DSCAML1: variants seen among roughly 807,000 people sequenced by gnomAD.
The protein encoded by DSCAML1 is cell adhesion molecule DSCAML1.
Under a neutral mutation model 200.5 loss-of-function variants are expected in DSCAML1, and 38 were observed. The ratio of observed to expected loss-of-function variants is 0.19; its 90% CI spans 0.15 to 0.25. The LOEUF is 0.25. Among genes scored for constraint, DSCAML1 ranks in the 10% least tolerant of loss-of-function variants. The pLI is 1.00. For synonymous variants in DSCAML1, 1,215 were observed against 1,165.0 expected, an observed-to-expected ratio of 1.04 and a Z score of -0.87; for missense variants, 2,223 against 2,858.8, an observed-to-expected ratio of 0.78 and a Z score of 5.07.
intron 11 of DSCAML1, among the ~76,000 whole-genome samples, chr11:117,494,607 A>T (rs910118549): frequency 2.0e-5 from 3 of 152,202 alleles, no homozygotes; most frequent in African/African-American, 7.2e-5. Context: ...TTGTGTCCCC[A>T]AAAGATATGT....
At chr11:117,658,957 G>A (rs972371094) in intron 3 of DSCAML1, among the ~76,000 whole-genome samples, 2 of 152,186 alleles carry the variant, frequency 1.3e-5, no homozygotes, top group African/African-American at 4.8e-5. Flanking sequence ...CAGCCTGGGT[G>A]TAGTTCTGAC....
In DSCAML1 at chr11:117,568,683, AAGG is replaced by A. The variant is rs984084889; in HGVS notation, c.512-36164_512-36162del. Reference sequence around the variant, plus strand: ...TACAAGGGACATGAACGACCTCTTCAAGGAGAACTACAAACCACTGCTCAAGGA... The same window carrying A: ...TACAAGGGACATGAACGACCTCTTCAAGAACTACAAACCACTGCTCAAGGA... On this transcript the variant is annotated intron_variant, in intron 3 of 32. Coordinates refer to ENST00000651296, the MANE Select transcript of DSCAML1 (RefSeq NM_020693.4). Among the ~76,000 whole-genome samples the A allele has an allele frequency of 7.6e-4, 116 of 152,302 alleles. 1 individual carries two copies. The highest frequency in any genetic ancestry group is 2.9e-3 in the South Asian group (14 of 4,820).
chr11:117,457,479 G>A (rs2048394627), intron 19 of DSCAML1, among the ~76,000 whole-genome samples: 1 of 152,264 alleles, frequency 6.6e-6, no homozygotes, highest in Non-Finnish European at 1.5e-5. Flanking sequence ...GGCCTCAGAT[G>A]GGACCAGGCT....
At chr11:117,453,726 A>ATTTCTTTCTTTC (rs142638370) in intron 19 of DSCAML1, among the ~76,000 whole-genome samples, 2 of 136,206 alleles carry the variant, frequency 1.5e-5, no homozygotes, top group African/African-American at 5.5e-5. Flanking sequence ...TTAGGTGTGG[A>ATTTCTTTCTTTC]TTTCTTTCTT....
At chr11:117,715,703 G>A (rs774213707) in intron 3 of DSCAML1, among the ~76,000 whole-genome samples, 1 of 152,182 alleles carries the variant, frequency 6.6e-6, no homozygotes, top group Non-Finnish European at 1.5e-5. Flanking sequence ...GGCTGTCCGA[G>A]GGTGGGTTGG....
At position 117,735,970 on chromosome 11, in the gene DSCAML1, C is replaced by T. The variant is rs2054309004; in HGVS notation, c.511+40821G>A. ...CTATAGTGATCTCAGCACTGCTTCTCAGAACCCAACCCCTATCTATAGGGC... is the reference window on the plus strand; with the variant it reads ...CTATAGTGATCTCAGCACTGCTTCTTAGAACCCAACCCCTATCTATAGGGC... On this transcript the variant is annotated intron_variant, in intron 3 of 32. Coordinates refer to ENST00000651296, the MANE Select transcript of DSCAML1 (RefSeq NM_020693.4). Among the ~76,000 whole-genome samples the T allele has an allele frequency of 3.3e-5, 5 of 152,230 alleles. No homozygotes were observed. The South Asian group carries it at 1.0e-3, about 31-fold the overall frequency.
chr11:117,761,281 G>A (rs1315353630), intron 3 of DSCAML1, among the ~76,000 whole-genome samples: 2 of 152,016 alleles, frequency 1.3e-5, no homozygotes. Flanking sequence ...TGGACACCTG[G>A]CCGCCATAGG....
chr11:117,726,778 A>C (rs1253154510), intron 3 of DSCAML1, among the ~76,000 whole-genome samples: 1 of 152,168 alleles, frequency 6.6e-6, no homozygotes, highest in East Asian at 1.9e-4. Flanking sequence ...AACCCCCAGC[A>C]TGGAGAGGTG....
At chr11:117,688,197 G>A (rs775786287) in intron 3 of DSCAML1, among the ~76,000 whole-genome samples, 11 of 152,214 alleles carry the variant, frequency 7.2e-5, no homozygotes, top group South Asian at 4.1e-4. Flanking sequence ...AATTTGGAGC[G>A]TAAAACTGCT....
intron 3 of DSCAML1, among the ~76,000 whole-genome samples, chr11:117,598,131 T>C (rs2051397604): frequency 6.6e-6 from 1 of 152,170 alleles, no homozygotes; most frequent in Non-Finnish European, 1.5e-5. Flanking sequence ...CCTTCAAACA[T>C]TCTCTCCAGC....
Position 117,565,063 on chromosome 11 carries a change from G to C in DSCAML1, c.512-32541C>G, listed in dbSNP as rs183044774. ...TTAACAGGCATGAGCCACTGTGCCC[G>C]GCCAAACCTCACTTTCAATGACGAC... On this transcript the variant is annotated intron_variant, in intron 3 of 32. Transcript: ENST00000651296. Among the ~76,000 whole-genome samples, 546 of 152,234 alleles carry C rather than the reference G, an allele frequency of 3.6e-3. 2 individuals carry two copies. Among genetic ancestry groups the C allele is most frequent in the Non-Finnish European group, 6.2e-3 (421 of 68,012 alleles).
At chr11:117,536,420 G>A (rs921191756) in intron 3 of DSCAML1, among the ~76,000 whole-genome samples, 52 of 152,308 alleles carry the variant, frequency 3.4e-4, no homozygotes, top group African/African-American at 1.1e-3. Flanking sequence ...GCTGGCCCAC[G>A]TTCTCTGCTT....
chr11:117,762,291 T>C (rs773320326), intron 3 of DSCAML1, among the ~76,000 whole-genome samples: 1 of 152,174 alleles, frequency 6.6e-6, no homozygotes, highest in Non-Finnish European at 1.5e-5. Context: ...CCATTCATCA[T>C]GGGCTATAGA....
In DSCAML1 at chr11:117,433,142, T is replaced by C. The variant is rs11216382; in HGVS notation, c.5022A>G (p.Gln1674=). The C allele has an allele frequency of 0.16, 256,537 of 1,611,918 alleles. 22,008 individuals are homozygous for C. The highest frequency in any genetic ancestry group is 0.25 in the African/African-American group (18,559 of 74,914). ...LLIEDKEGIK[Q]LGDDKATIPV... is the part of the protein sequence containing the mutation. ...CTTGTGGCACCTGTCACTCACCCAG[T>C]TGCTTGATGCCTTCTTTGTCCTCGA... Residue 1674 remains glutamine (Q), a synonymous_variant, in exon 29 of 33, where the codon CAA becomes CAG. Transcript: ENST00000651296.
chr11:117,690,305 C>G (rs2053473728), intron 3 of DSCAML1, among the ~76,000 whole-genome samples: 1 of 152,248 alleles, frequency 6.6e-6, no homozygotes, highest in Non-Finnish European at 1.5e-5. Context: ...CCCAGTATGT[C>G]CAATCCCAGC....
chr11:117,526,016 A>G (rs2049970727), intron 4 of DSCAML1, among the ~76,000 whole-genome samples: 1 of 152,206 alleles, frequency 6.6e-6, no homozygotes, highest in Admixed American at 6.5e-5. Context: ...ACCAAGAGAA[A>G]CCAGCAACTA....
At chr11:117,723,326 A>C (rs1269565911) in intron 3 of DSCAML1, among the ~76,000 whole-genome samples, 1 of 152,152 alleles carries the variant, frequency 6.6e-6, no homozygotes, top group Non-Finnish European at 1.5e-5. Context: ...ATGTTCTTCC[A>C]GTTTTGATCT....
intron 3 of DSCAML1, among the ~76,000 whole-genome samples, chr11:117,667,411 AAAAGT>A (rs1332234145): frequency 6.6e-6 from 1 of 152,154 alleles, no homozygotes; most frequent in Non-Finnish European, 1.5e-5. Flanking sequence ...CCGTCTCATA[AAAAGT>A]AAATAAATAA....
intron 3 of DSCAML1, among the ~76,000 whole-genome samples, chr11:117,576,990 G>C (rs1481186732): frequency 6.6e-6 from 1 of 152,200 alleles, no homozygotes; most frequent in Non-Finnish European, 1.5e-5. Context: ...ATCCTTGATT[G>C]AGAATTTAAT....
Sources: gnomAD v4.1 joint callset for allele counts (sites outside exome capture counted in the v4.1 genomes callset) on GRCh38, gnomAD v4.1.1 for gene constraint, MANE v1.5 for transcripts, NCBI Gene and HGNC (gene_info 2026-07-23, HGNC 2026-07-21) for gene names.